The following GRIK3 variants were observed in gnomAD, a reference collection of about 807,000 sequenced individuals.
GRIK3 encodes the protein glutamate ionotropic receptor kainate type subunit 3.
In GRIK3, 29 loss-of-function variants were observed where a neutral mutation model predicts 102.5. The observed-to-expected ratio is 0.28, with a 90% confidence interval of 0.21 to 0.39. The LOEUF is 0.39. Among genes scored for constraint, GRIK3 ranks in the 10% least tolerant of loss-of-function variants. The pLI is 1.00. For missense variants in GRIK3, 908 were observed against 1,252.4 expected, an observed-to-expected ratio of 0.73 and a Z score of 4.15; for synonymous variants, 511 against 504.9, an observed-to-expected ratio of 1.01 and a Z score of -0.16.
At chr1:36,915,734 G>A (rs1641392013) in intron 1 of GRIK3, among the ~76,000 whole-genome samples, 1 of 152,160 alleles carries the variant, frequency 6.6e-6, no homozygotes, top group African/African-American at 2.4e-5. Context: ...TTGCCACCAT[G>A]TAAGACATGC....
intron 1 of GRIK3, among the ~76,000 whole-genome samples, chr1:36,915,758 T>A (rs920375139): frequency 1.3e-5 from 2 of 152,162 alleles, no homozygotes; most frequent in African/African-American, 4.8e-5. Flanking sequence ...TCACCTTCCA[T>A]CATGATTGTG....
intron 14 of GRIK3, 149 bp from the exon 15 acceptor site, chr1:36,805,386 C>G (rs2124176840): frequency 1.4e-6 from 1 of 722,390 alleles, no homozygotes; most frequent in Non-Finnish European, 2.2e-6. Context: ...CCCTTTAAAT[C>G]GACGCATGGT....
At chr1:36,873,131 A>C (rs564322753) in intron 3 of GRIK3, among the ~76,000 whole-genome samples, 2 of 152,008 alleles carry the variant, frequency 1.3e-5, no homozygotes, top group Non-Finnish European at 2.9e-5. Context: ...GCCCCACCTC[A>C]TTCCCCTCAT....
At chr1:36,820,411 A>T (rs994911797) in intron 11 of GRIK3, among the ~76,000 whole-genome samples, 3 of 152,212 alleles carry the variant, frequency 2.0e-5, no homozygotes, top group Non-Finnish European at 4.4e-5. Context: ...GAACAATATG[A>T]CCACACTTAA....
intron 1 of GRIK3, among the ~76,000 whole-genome samples, chr1:37,022,636 C>G (rs1422164526): frequency 6.6e-6 from 1 of 152,230 alleles, no homozygotes; most frequent in Non-Finnish European, 1.5e-5. Flanking sequence ...GCATGAGCAT[C>G]TTGACTTCGT....
chr1:36,824,932 AAAT>A (rs1416332622), intron 11 of GRIK3, among the ~76,000 whole-genome samples: 7 of 152,204 alleles, frequency 4.6e-5, no homozygotes, highest in Non-Finnish European at 7.4e-5. Flanking sequence ...TGGAAGAACT[AAAT>A]AAGATAACAG....
intron 1 of GRIK3, among the ~76,000 whole-genome samples, chr1:37,000,054 C>T (rs1642459372): frequency 6.6e-6 from 1 of 152,180 alleles, no homozygotes; most frequent in South Asian, 2.1e-4. Context: ...CTTTAATTAT[C>T]ATGCTTCTGG....
At chr1:36,804,613 C>A in intron 15 of GRIK3, 1 of 407,414 alleles carries the variant, frequency 2.5e-6, no homozygotes, top group Non-Finnish European at 4.3e-6. Flanking sequence ...CCATCACCCA[C>A]CTTCAACAAT....
intron 1 of GRIK3, among the ~76,000 whole-genome samples, chr1:36,922,255 G>T (rs746960672): frequency 6.6e-6 from 1 of 152,214 alleles, no homozygotes; most frequent in Admixed American, 6.5e-5. Context: ...TGGGTGCCTC[G>T]TGGTTCCTGA....
Position 36,872,164 on chromosome 1 carries a change from T to C in GRIK3, c.732+24A>G, listed in dbSNP as rs759292045. 6.4e-7 allele frequency: 1 copy of C among 1,550,788 alleles called. No homozygotes were observed. Among genetic ancestry groups the C allele is most frequent in the Middle Eastern group, 1.7e-4 (1 of 5,744 alleles). On this transcript the variant is annotated intron_variant, in intron 4 of 15. Coordinates refer to ENST00000373091, the MANE Select transcript of GRIK3 (RefSeq NM_000831.4). This position sits in a 1 kb window ranked among gnomAD's most constrained non-coding sequence, Gnocchi z 5.9. ...GTGGCCAGCAGACCCCAGTCATCTGTCCCGGTGGCCAGCACTCACGCACCT... is the reference window on the plus strand; with the variant it reads ...GTGGCCAGCAGACCCCAGTCATCTGCCCCGGTGGCCAGCACTCACGCACCT...
At chr1:36,924,119 G>A (rs969615615) in intron 1 of GRIK3, among the ~76,000 whole-genome samples, 3 of 152,206 alleles carry the variant, frequency 2.0e-5, no homozygotes, top group Non-Finnish European at 4.4e-5. Context: ...GGCACTGCCA[G>A]GGCAGAGGAT....
intron 1 of GRIK3, among the ~76,000 whole-genome samples, chr1:36,945,348 A>G (rs371187806): frequency 5.9e-5 from 9 of 152,214 alleles, no homozygotes; most frequent in South Asian, 4.1e-4. Context: ...CTGGGCAGCT[A>G]GAGGGGGCCT....
intron 15 of GRIK3, 119 bp from the exon 16 acceptor site, chr1:36,802,164 C>T (rs1642450084): frequency 3.0e-6 from 2 of 657,726 alleles, no homozygotes; most frequent in South Asian, 2.1e-5. Flanking sequence ...CCGTCTTTCT[C>T]ACACCTTCAC....
intron 1 of GRIK3, among the ~76,000 whole-genome samples, chr1:36,994,552 T>C (rs923857952): frequency 6.6e-6 from 1 of 152,238 alleles, no homozygotes; most frequent in Non-Finnish European, 1.5e-5. Flanking sequence ...AGCAGTATCT[T>C]ACACACAGTG....
intron 1 of GRIK3, among the ~76,000 whole-genome samples, chr1:37,019,527 A>G (rs1642688316): frequency 6.6e-6 from 1 of 152,154 alleles, no homozygotes; most frequent in South Asian, 2.1e-4. Flanking sequence ...AACCACAGCT[A>G]TTTCTAAAGG....
chr1:36,825,642 G>A lies in GRIK3; in HGVS notation c.1715C>T (p.Ala572Val). Residue 572 changes from alanine to valine, a missense_variant, in exon 11 of 16, where the codon GCC becomes GTC. Ala to Val is a moderately conservative substitution (Grantham distance 64, BLOSUM62 0). Coordinates refer to ENST00000373091, the MANE Select transcript of GRIK3 (RefSeq NM_000831.4). ...SPDIWMYVLL[A>V]YLGVSCVLFV... ...GAGGACACAGCTGACCCCCAGGTAGGCGAGGAGAACATACATCCAGATGTC... is the reference window on the plus strand; with the variant it reads ...GAGGACACAGCTGACCCCCAGGTAGACGAGGAGAACATACATCCAGATGTC... The A allele has an allele frequency of 6.2e-7, 1 of 1,606,998 alleles. No individual in the cohort carries two copies. Among genetic ancestry groups the A allele is most frequent in the Non-Finnish European group, 8.5e-7 (1 of 1,176,726 alleles).
intron 1 of GRIK3, among the ~76,000 whole-genome samples, chr1:36,997,234 T>C (rs928661993): frequency 6.6e-6 from 1 of 151,900 alleles, no homozygotes; most frequent in East Asian, 1.9e-4. Context: ...AGACAGAGGG[T>C]AGGGGCAGGC....
Position 36,805,013 on chromosome 1 carries a change from G to T in GRIK3, c.2539C>A (p.Leu847Ile). 6.2e-7 allele frequency: 1 copy of T among 1,614,198 alleles called. No homozygotes were observed. The highest frequency in any genetic ancestry group is 8.5e-7 in the Non-Finnish European group (1 of 1,180,030). The change falls in exon 15 of 16, where the codon CTC becomes ATC. Residue 847 changes from leucine (L) to isoleucine (I), a missense_variant. This residue lies in a region of GRIK3 where 297 missense variants were observed against 362.7 expected (regional missense o/e 0.82). Transcript: ENST00000373091. ...LVAVGEFVYK[L>I]RKTAEREQRS... is the part of the protein sequence containing the mutation. ...TGCTCTCTCTCTGCTGTTTTGCGGA[G>T]CTTGTACACAAACTCGCCCACGGCC...
intron 1 of GRIK3, among the ~76,000 whole-genome samples, chr1:36,914,387 G>T (rs1641377502): frequency 6.6e-6 from 1 of 152,194 alleles, no homozygotes; most frequent in Admixed American, 6.5e-5. Context: ...GGTTGAGCAG[G>T]TTTCTTTTCT....
Sources: gnomAD v4.1 joint callset for allele counts (sites outside exome capture counted in the v4.1 genomes callset) on GRCh38, gnomAD v4.1.1 for gene constraint, gnomAD v4.1.1 regional missense constraint, Gnocchi (gnomAD v3.1) non-coding constraint, MANE v1.5 for transcripts, NCBI Gene and HGNC (gene_info 2026-07-23, HGNC 2026-07-21) for gene names.